Variants in HOOK1 observed in about 807,000 individuals in gnomAD.
HOOK1 encodes protein Hook homolog 1.
A neutral mutation model predicts 112.8 loss-of-function variants in HOOK1; 60 were observed. That is an observed-to-expected ratio of 0.53 (90% CI 0.43 to 0.66). HOOK1 has a LOEUF of 0.66. Ranked by LOEUF, HOOK1 falls within the 30% of genes least tolerant of loss-of-function variation. The pLI is 0.00. For missense variants in HOOK1, 770 were observed against 856.0 expected, an observed-to-expected ratio of 0.90 and a Z score of 1.25; for synonymous variants, 294 against 283.8, an observed-to-expected ratio of 1.04 and a Z score of -0.36.
intron 2 of HOOK1, among the ~76,000 whole-genome samples, chr1:59,822,953 A>G (rs2098386691): frequency 6.6e-6 from 1 of 152,206 alleles, no homozygotes; most frequent in Non-Finnish European, 1.5e-5. Context: ...CTTAACTAAC[A>G]TGTTAACTTT....
chr1:59,815,180 G>T lies in HOOK1; in HGVS notation c.63G>T (p.Trp21Cys). Residue 21 changes from tryptophan (W) to cysteine (C), a missense_variant and splice_region_variant, in exon 1 of 22, where the codon TGG (tryptophan) becomes TGT (cysteine). Around this residue, in one of 3 missense-constraint regions of HOOK1, gnomAD observed 655 missense variants for 725.9 expected, o/e 0.90. Coordinates refer to ENST00000371208, the MANE Select transcript of HOOK1 (RefSeq NM_015888.6). ...KLPLCDSLMIWLQTFNTASPC... is the reference protein window; with the variant it reads ...KLPLCDSLMICLQTFNTASPC... ...CCCTGTGCGACAGCCTCATGATCTG[G>T]GTGAGTGCGAGGAGGCGAGAGGGCG... 1.3e-6 allele frequency: 2 copies of T among 1,543,688 alleles called. No homozygotes were observed. The highest frequency in any genetic ancestry group is 1.7e-6 in the Non-Finnish European group (2 of 1,146,480).
In HOOK1 at chr1:59,872,990, A is replaced by C. The variant is rs774032767; in HGVS notation, c.*25A>C. 2.1e-6 allele frequency: 3 copies of C among 1,425,758 alleles called. No individual in the cohort carries two copies. The highest frequency in any genetic ancestry group is 1.5e-5 in the African/African-American group (1 of 68,534). The allele number at this position is 1,425,758 out of a possible 1,614,324, so 88.3% of individuals were successfully genotyped here. A position where few individuals can be genotyped will look rare whatever the true frequency, so the allele number is the denominator to read the frequency against. ...AACTGCAAAAAAAACAAAACAAAAC[A>C]AAAAAACCACATAAAATAGAAGTGT... On this transcript the variant is annotated 3_prime_UTR_variant, in exon 22 of 22. Coordinates refer to ENST00000371208, the MANE Select transcript of HOOK1 (RefSeq NM_015888.6).
intron 3 of HOOK1, among the ~76,000 whole-genome samples, chr1:59,829,286 G>A (rs1175915368): frequency 6.6e-6 from 1 of 151,954 alleles, no homozygotes; most frequent in Non-Finnish European, 1.5e-5. Context: ...ATATTTTGTG[G>A]TTTGTTTAGC....
chr1:59,860,189 G>A lies in HOOK1; in HGVS notation c.1393G>A (p.Glu465Lys). ...AAEIMPVEYREVFIRLQHENK... is the reference protein window; with the variant it reads ...AAEIMPVEYRKVFIRLQHENK... ...AAAGATTTTGCTTTGTAACATCAGG[G>A]AGGTGTTTATTCGACTGCAACATGA... The change falls in exon 15 of 22, where the codon GAG becomes AAG. Residue 465 changes from glutamate (E) to lysine (K), a missense_variant and splice_region_variant. Physicochemically the swap from Glu to Lys is moderately conservative, Grantham distance 56. Transcript: ENST00000371208. 5.7e-6 allele frequency: 9 copies of A among 1,592,920 alleles called. No homozygotes were observed. The highest frequency in any genetic ancestry group is 7.7e-6 in the Non-Finnish European group (9 of 1,171,906).
Position 59,847,199 on chromosome 1 carries a change from TA to T in HOOK1, c.929+20del. 1 of 1,581,700 alleles carries T rather than the reference TA, an allele frequency of 6.3e-7. No individual in the cohort carries two copies. The highest frequency in any genetic ancestry group is 8.6e-7 in the Non-Finnish European group (1 of 1,166,338). On this transcript the variant is annotated intron_variant, in intron 10 of 21. Coordinates refer to ENST00000371208, the MANE Select transcript of HOOK1 (RefSeq NM_015888.6). ...AGATGTTCTTAGGTATGGCATGTCTTAAAAAATATAATTATGCCATTTCTGA... is the reference window on the plus strand; with the variant it reads ...AGATGTTCTTAGGTATGGCATGTCTTAAAAATATAATTATGCCATTTCTGA...
At chr1:59,826,667 G>A (rs1418406238) in intron 2 of HOOK1, among the ~76,000 whole-genome samples, 2 of 152,212 alleles carry the variant, frequency 1.3e-5, no homozygotes, top group African/African-American at 4.8e-5. Context: ...GAAGACTGGG[G>A]TGGTAGTCAG....
chr1:59,868,592 TTATATGGC>T (rs1644007135), intron 20 of HOOK1, among the ~76,000 whole-genome samples: 1 of 152,248 alleles, frequency 6.6e-6, no homozygotes, highest in Non-Finnish European at 1.5e-5. Flanking sequence ...ATAACAGGCA[TTATATGGC>T]TATCCCTGAC....
intron 19 of HOOK1, among the ~76,000 whole-genome samples, chr1:59,867,815 CT>C (rs1224711893): frequency 6.6e-6 from 1 of 152,034 alleles, no homozygotes; most frequent in Non-Finnish European, 1.5e-5. Flanking sequence ...AAGATTATTG[CT>C]AAGAATTTCT....
At chr1:59,864,750 G>A (rs1643929555) in intron 17 of HOOK1, 84 bp downstream of exon 17, 1 of 866,738 alleles carries the variant, frequency 1.2e-6, no homozygotes, top group Non-Finnish European at 1.8e-6. Flanking sequence ...TTCGGATTTT[G>A]TCTAGAAAAG....
chr1:59,842,639 A>T (rs955069688), intron 8 of HOOK1, among the ~76,000 whole-genome samples: 5 of 152,150 alleles, frequency 3.3e-5, no homozygotes, highest in African/African-American at 1.2e-4. Context: ...TAGCAAACTT[A>T]TTCAGTAATA....
intron 10 of HOOK1, 39 bp downstream of exon 10, chr1:59,847,224 G>A (rs745975662): frequency 6.6e-7 from 1 of 1,514,246 alleles, no homozygotes; most frequent in Admixed American, 2.0e-5. Context: ...TGCCATTTCT[G>A]AGCTATTTAG....
chr1:59,845,212 C>T (rs952673140), intron 9 of HOOK1, among the ~76,000 whole-genome samples: 2 of 151,864 alleles, frequency 1.3e-5, no homozygotes, highest in Non-Finnish European at 2.9e-5. Context: ...CATAAGAGCA[C>T]TAATCCCATT....
rs116837460 is a variant in HOOK1, at chr1:59,831,975, T to C, written c.223-188T>C. On this transcript the variant is annotated intron_variant, in intron 3 of 21. Transcript: ENST00000371208. ...TGACCCACTTTAAATAGAATCACCC[T>C]ACTTAACTAAACACTGATTAAATCT... Among the ~76,000 whole-genome samples the C allele has an allele frequency of 3.9e-3, 591 of 152,342 alleles. 4 individuals carry two copies. Among genetic ancestry groups the C allele is most frequent in the African/African-American group, 0.014 (568 of 41,582 alleles).
chr1:59,821,842 A>C lies in HOOK1; in HGVS notation c.64-16A>C, dbSNP rs2098385928. On this transcript the variant is annotated splice_polypyrimidine_tract_variant and intron_variant, in intron 1 of 21. Transcript: ENST00000371208. Reference sequence around the variant, plus strand: ...TATAAAGAAGCAGTAAGATCATTTGATTTATGTCATTTTAGCTGCAGACAT... The same window carrying C: ...TATAAAGAAGCAGTAAGATCATTTGCTTTATGTCATTTTAGCTGCAGACAT... 1 of 1,562,702 alleles carries C rather than the reference A, an allele frequency of 6.4e-7. No homozygotes were observed. Among genetic ancestry groups the C allele is most frequent in the Non-Finnish European group, 8.7e-7 (1 of 1,155,462 alleles).
intron 2 of HOOK1, 58 bp downstream of exon 2, chr1:59,822,001 A>G: frequency 7.4e-7 from 1 of 1,348,980 alleles, no homozygotes; most frequent in Non-Finnish European, 1.1e-6. Context: ...ATACCAAGGA[A>G]GAAAACTTGG....
chr1:59,846,581 TCCTTCCTCCCTCCTCCCTCCCTC>T (rs2098404084), intron 9 of HOOK1, among the ~76,000 whole-genome samples: 1 of 28,224 alleles, frequency 3.5e-5, no homozygotes, highest in Non-Finnish European at 6.9e-5. Context: ...CTTCCTTCCT[TCCTTCCTCCCTCCTCCCTCCCTC>T]CCTCCCTCTC....
intron 18 of HOOK1, 81 bp downstream of exon 18, chr1:59,865,326 G>A: frequency 2.4e-6 from 2 of 825,738 alleles, no homozygotes; most frequent in Non-Finnish European, 4.1e-6. Context: ...CAAGGTCTAT[G>A]TGTAAGTTTT....
At chr1:59,857,746 T>C (rs898993265) in intron 12 of HOOK1, among the ~76,000 whole-genome samples, 1 of 152,170 alleles carries the variant, frequency 6.6e-6, no homozygotes. Context: ...TCTGGGAAAA[T>C]GATTTAAACA....
chr1:59,855,959 TAAA>T (rs1559057959), intron 12 of HOOK1, among the ~76,000 whole-genome samples: 2 of 84,234 alleles, frequency 2.4e-5, no homozygotes, highest in Non-Finnish European at 2.2e-5. Context: ...TATATATATA[TAAA>T]TTATTATATA....
Sources: gnomAD v4.1 joint callset for allele counts (sites outside exome capture counted in the v4.1 genomes callset) on GRCh38, gnomAD v4.1.1 for gene constraint, gnomAD v4.1.1 regional missense constraint, MANE v1.5 for transcripts, NCBI Gene and HGNC (gene_info 2026-07-23, HGNC 2026-07-21) for gene names.